Variants in DMD observed in about 807,000 individuals in gnomAD.
The protein encoded by DMD is mutant dystrophin.
DMD carries 63 observed loss-of-function variants against 330.1 expected under a neutral mutation model. The ratio of observed to expected loss-of-function variants is 0.19; its 90% confidence interval spans 0.16 to 0.24. DMD has a LOEUF of 0.24. Among genes scored for constraint, DMD ranks in the 10% least tolerant of loss-of-function variants. The probability of loss-of-function intolerance (pLI) is 1.00; values close to 1 mark genes in which losing one functional copy is unlikely to be tolerated. For missense variants in DMD, 3,344 were observed against 2,684.1 expected (o/e 1.25, Z -5.43); for synonymous variants, 1,223 against 959.8 (o/e 1.27, Z -5.07).
At chrX:32,063,213 C>A (rs1026106455) in intron 44 of DMD, among the ~76,000 whole-genome samples, 4 of 110,123 alleles carry the variant, frequency 3.6e-5, no homozygotes, top group African/African-American at 9.9e-5. Context: ...CACACACACA[C>A]ATGATTATAT....
At chrX:33,155,363 TGGA>T (rs1200170213) in intron 1 of DMD, among the ~76,000 whole-genome samples, 1 of 108,217 alleles carries the variant, frequency 9.2e-6, no homozygotes, top group Non-Finnish European at 1.9e-5. Context: ...TCACCCAGGC[TGGA>T]GTGCAGTGGC....
At chrX:31,981,368 T>C (rs2095475081) in intron 44 of DMD, among the ~76,000 whole-genome samples, 1 of 111,048 alleles carries the variant, frequency 9.0e-6, no homozygotes, top group African/African-American at 3.3e-5. Flanking sequence ...TCCCAGTGAG[T>C]ATAAAACAAA....
intron 2 of DMD, among the ~76,000 whole-genome samples, chrX:32,871,410 C>A (rs2082987807): frequency 5.4e-5 from 6 of 111,132 alleles, no homozygotes; most frequent in South Asian, 3.8e-4. Flanking sequence ...TCTATTTTAA[C>A]ATATTAACTG....
chrX:32,745,918 G>T (rs751891854), intron 7 of DMD, among the ~76,000 whole-genome samples: 31 of 112,169 alleles, frequency 2.8e-4, no homozygotes, highest in Admixed American at 8.5e-4. Context: ...GAAAAAGACA[G>T]CGAACAGCTA....
intron 29 of DMD, among the ~76,000 whole-genome samples, chrX:32,420,922 C>T (rs1027618352): frequency 9.0e-6 from 1 of 111,360 alleles, no homozygotes; most frequent in Non-Finnish European, 1.9e-5. Context: ...GTGATGTAGG[C>T]TCATAATACT....
At chrX:31,935,775 A>AC (rs2094915408) in intron 45 of DMD, among the ~76,000 whole-genome samples, 1 of 83,767 alleles carries the variant, frequency 1.2e-5, no homozygotes, top group African/African-American at 5.9e-5. Flanking sequence ...GGAAAAGAAA[A>AC]CCCCAAACCC....
intron 44 of DMD, among the ~76,000 whole-genome samples, chrX:32,183,510 C>T (rs2096934177): frequency 9.5e-6 from 1 of 105,717 alleles, no homozygotes; most frequent in South Asian, 4.1e-4. Flanking sequence ...TTAGTACTGT[C>T]CTTTGACCCA....
Position 31,608,312 on chromosome X carries a change from G to A in DMD, c.8217+19361C>T, listed in dbSNP as rs1259259657. 2.7e-5 allele frequency among the ~76,000 whole-genome samples: 3 copies of A among 111,724 alleles called. No homozygotes were observed. In the Admixed American group the frequency reaches 2.9e-4, roughly 11 times the overall value. Reference sequence around the variant, plus strand: ...TTTCCAAAATTTAGTACAGAAGTGTGTGTATCATCTCAAGATTGGCGGTAA... The same window carrying A: ...TTTCCAAAATTTAGTACAGAAGTGTATGTATCATCTCAAGATTGGCGGTAA... On this transcript the variant is annotated intron_variant, in intron 55 of 78. Coordinates refer to ENST00000357033, the MANE Select transcript of DMD (RefSeq NM_004006.3).
At chrX:32,142,054 C>T (rs2096756249) in intron 44 of DMD, among the ~76,000 whole-genome samples, 1 of 111,066 alleles carries the variant, frequency 9.0e-6, no homozygotes, top group South Asian at 3.8e-4. Context: ...CAGACTCAGA[C>T]AAAAACAAGG....
chrX:31,993,844 T>G (rs952459376), intron 44 of DMD, among the ~76,000 whole-genome samples: 13 of 112,016 alleles, frequency 1.2e-4, no homozygotes, highest in Non-Finnish European at 1.9e-4. Context: ...ACAAAAGTTA[T>G]GTAAATCTTT....
intron 1 of DMD, among the ~76,000 whole-genome samples, chrX:33,022,485 T>C (rs1248395376): frequency 9.0e-6 from 1 of 110,574 alleles, no homozygotes; most frequent in Non-Finnish European, 1.9e-5. Context: ...ACAAGAAAAA[T>C]GTCTTCAATG....
intron 67 of DMD, among the ~76,000 whole-genome samples, chrX:31,197,740 C>A (rs996712172): frequency 9.0e-6 from 1 of 111,436 alleles, no homozygotes; most frequent in Non-Finnish European, 1.9e-5. Flanking sequence ...AAAATGTTTA[C>A]TGAAGAAGAT....
At chrX:32,018,943 C>T (rs761979039) in intron 44 of DMD, among the ~76,000 whole-genome samples, 1 of 111,751 alleles carries the variant, frequency 8.9e-6, no homozygotes, top group Non-Finnish European at 1.9e-5. Context: ...AATGAATTAA[C>T]CCTTAGAGTG....
At chrX:32,559,505 C>T (rs2050751538) in intron 16 of DMD, among the ~76,000 whole-genome samples, 1 of 111,423 alleles carries the variant, frequency 9.0e-6, no homozygotes. Context: ...TTTAATTAAA[C>T]TTACTGGCCA....
chrX:31,145,687 C>T (rs1232243009), intron 76 of DMD, among the ~76,000 whole-genome samples: 1 of 87,263 alleles, frequency 1.1e-5, no homozygotes, highest in African/African-American at 6.5e-5. Flanking sequence ...TTTTGAGACA[C>T]AGTCTTGCTC....
chrX:31,575,242 T>A (rs761142081), intron 55 of DMD, among the ~76,000 whole-genome samples: 1 of 111,974 alleles, frequency 8.9e-6, no homozygotes, highest in Non-Finnish European at 1.9e-5. Flanking sequence ...TCTCTGAGAT[T>A]TAGATAAATC....
chrX:32,353,538 G>A (rs1412964052), intron 37 of DMD, among the ~76,000 whole-genome samples: 1 of 111,177 alleles, frequency 9.0e-6, no homozygotes, highest in African/African-American at 3.2e-5. Flanking sequence ...GGAAATAGAT[G>A]ACCACAAAAG....
chrX:31,415,332 C>G (rs1006523904), intron 60 of DMD, among the ~76,000 whole-genome samples: 1 of 112,351 alleles, frequency 8.9e-6, no homozygotes, highest in Non-Finnish European at 1.9e-5. Context: ...TTGCTCTGCA[C>G]GGATAGTATT....
chrX:32,980,104 G>T (rs770617227), intron 2 of DMD, among the ~76,000 whole-genome samples: 1 of 110,318 alleles, frequency 9.1e-6, no homozygotes, highest in Non-Finnish European at 1.9e-5. Flanking sequence ...GGTGGTTCAC[G>T]CCTGTAATCC....
Sources: allele counts gnomAD v4.1 joint callset (sites outside exome capture counted in the v4.1 genomes callset), GRCh38; gene constraint gnomAD v4.1.1; transcripts MANE v1.5; gene names NCBI Gene and HGNC (gene_info 2026-07-23, HGNC 2026-07-21).